Variants in PCDHGA7 observed in about 807,000 individuals in gnomAD.
The protein encoded by PCDHGA7 is protocadherin gamma subfamily A, 7, also known as protocadherin gamma-A7.
In PCDHGA7, 44 loss-of-function variants were observed where a neutral mutation model predicts 58.3. The observed-to-expected ratio is 0.75, with a 90% confidence interval of 0.59 to 0.97. The LOEUF is 0.97. Ranked by LOEUF, PCDHGA7 falls within the 50% of genes least tolerant of loss-of-function variation. The probability of loss-of-function intolerance (pLI) is 0.00; values close to 1 mark genes in which losing one functional copy is unlikely to be tolerated. For missense variants in PCDHGA7, 1,266 were observed against 1,188.7 expected (o/e 1.06, Z -0.96); for synonymous variants, 516 against 504.2 (o/e 1.02, Z -0.31).
Position 141,476,562 on chromosome 5 carries a change from C to G in PCDHGA7, c.2425-18245C>G. 1 of 1,614,218 alleles carries G rather than the reference C, an allele frequency of 6.2e-7. No individual in the cohort carries two copies. The highest frequency in any genetic ancestry group is 1.1e-5 in the South Asian group (1 of 91,088). On this transcript the variant is annotated intron_variant, in intron 1 of 3. Transcript: ENST00000518325. This position sits in a 1 kb window ranked among gnomAD's most constrained non-coding sequence, Gnocchi z 7.6. The stretch of plus-strand genomic sequence containing the variant: ...AAATTGGAGATTAGCGAGGCCGTGG[C>G]TCCGGGGACGCGCTTTCCGCTCGAG...
chr5:141,469,372 C>T (rs780872014), intron 1 of PCDHGA7, among the ~76,000 whole-genome samples: 2 of 151,990 alleles, frequency 1.3e-5, no homozygotes, highest in African/African-American at 2.4e-5. Context: ...GTAAAGAGAT[C>T]GAGACCATCC....
At chr5:141,425,069 A>G (rs771114613) in intron 1 of PCDHGA7, among the ~76,000 whole-genome samples, 1 of 152,170 alleles carries the variant, frequency 6.6e-6, no homozygotes. Context: ...GACAAAAATA[A>G]TTTCAACTGT....
In PCDHGA7 at chr5:141,423,130, G is replaced by A. The variant is rs770258338; in HGVS notation, c.2424+37807G>A. On this transcript the variant is annotated intron_variant, in intron 1 of 3. Coordinates refer to ENST00000518325, the MANE Select transcript of PCDHGA7 (RefSeq NM_018920.4). The stretch of plus-strand genomic sequence containing the variant: ...GGTGCGTACAGCGCGGGCACTGCTG[G>A]ACAGAGACGCGCTCAAGCAGAGCCT... The A allele has an allele frequency of 9.3e-6, 15 of 1,613,582 alleles. No individual in the cohort carries two copies. Among genetic ancestry groups the A allele is most frequent in the Middle Eastern group, 1.6e-4 (1 of 6,072 alleles).
rs1280755615 is a variant in PCDHGA7 at position 141,431,629 on chromosome 5, A to C, written c.2424+46306A>C. On this transcript the variant is annotated intron_variant, in intron 1 of 3. Transcript: ENST00000518325. This position sits in a 1 kb window ranked among gnomAD's most constrained non-coding sequence, Gnocchi z 4.8. ...GGTATGTGGACGACAAGGCGGCCCA[A>C]GTTTTCAAACTAGATTGTAATTCAG... 6.2e-7 allele frequency: 1 copy of C among 1,614,246 alleles called. No individual in the cohort carries two copies. Among genetic ancestry groups the C allele is most frequent in the South Asian group, 1.1e-5 (1 of 91,090 alleles).
chr5:141,426,589 T>G (rs2096945227), intron 1 of PCDHGA7: 1 of 369,180 alleles, frequency 2.7e-6, no homozygotes, highest in South Asian at 2.0e-5. Context: ...ATCCTCTGTG[T>G]CATACCCTTA....
chr5:141,476,772 G>A lies in PCDHGA7; in HGVS notation c.2425-18035G>A. 1 of 1,613,650 alleles carries A rather than the reference G, an allele frequency of 6.2e-7. No homozygotes were observed. Among genetic ancestry groups the A allele is most frequent in the South Asian group, 1.1e-5 (1 of 91,086 alleles). ...CAGTTAGTGCTGACGGCGTTGGACG[G>A]AGGGACCCCAGCTCTCTCCGCCAGC... is the stretch of plus-strand genomic sequence containing the variant. On this transcript the variant is annotated intron_variant, in intron 1 of 3. Coordinates refer to ENST00000518325, the MANE Select transcript of PCDHGA7 (RefSeq NM_018920.4). The surrounding 1 kb of genome is among the most constrained non-coding windows in gnomAD (Gnocchi z 7.6).
intron 1 of PCDHGA7, among the ~76,000 whole-genome samples, chr5:141,456,876 T>C (rs188356008): frequency 1.5e-3 from 222 of 152,196 alleles, no homozygotes; most frequent in African/African-American, 5.2e-3. Flanking sequence ...GGCAGGAGAA[T>C]CGCTTGAACC....
rs2154576188 is a variant in PCDHGA7 at position 141,477,933 on chromosome 5, T to C, written c.2425-16874T>C. ...GCGGATGCAGGGCACAATGCCTGGCTCTCCTACAGTCTCTTGGGATCCCCT... is the reference window on the plus strand; with the variant it reads ...GCGGATGCAGGGCACAATGCCTGGCCCTCCTACAGTCTCTTGGGATCCCCT... On this transcript the variant is annotated intron_variant, in intron 1 of 3. Coordinates refer to ENST00000518325, the MANE Select transcript of PCDHGA7 (RefSeq NM_018920.4). The surrounding 1 kb of genome is among the most constrained non-coding windows in gnomAD (Gnocchi z 4.9). 1.2e-6 allele frequency: 2 copies of C among 1,614,112 alleles called. No homozygotes were observed. Among genetic ancestry groups the C allele is most frequent in the Non-Finnish European group, 1.7e-6 (2 of 1,180,022 alleles).
chr5:141,433,064 A>T, intron 1 of PCDHGA7: 1 of 1,614,064 alleles, frequency 6.2e-7, no homozygotes, highest in Non-Finnish European at 8.5e-7. Context: ...GAGTCACCTG[A>T]TCTTCCCCCA....
chr5:141,408,506 T>C, intron 1 of PCDHGA7: 2 of 1,614,010 alleles, frequency 1.2e-6, no homozygotes, highest in Non-Finnish European at 1.7e-6. Flanking sequence ...GAGAAGAAGA[T>C]GTGAGTTGCA....
chr5:141,492,071 C>T (rs992716777), intron 1 of PCDHGA7: 7 of 481,874 alleles, frequency 1.5e-5, no homozygotes, highest in African/African-American at 1.4e-4. Context: ...CTCCTAGGCG[C>T]CGGCTCCGGC....
rs115237553 is a variant in PCDHGA7, at chr5:141,476,478, T to A, written c.2425-18329T>A. 1.3e-4 allele frequency: 203 copies of A among 1,613,844 alleles called. 2 individuals are homozygous for A. The African/African-American group carries it at 2.5e-3, about 20-fold the overall frequency. Reference sequence around the variant, plus strand: ...GAGAACCCGCTGGAGCTGTTCAGCGTGGAAGTGGTGATCCAGGACATCAAC... The same window carrying A: ...GAGAACCCGCTGGAGCTGTTCAGCGAGGAAGTGGTGATCCAGGACATCAAC... On this transcript the variant is annotated intron_variant, in intron 1 of 3. Transcript: ENST00000518325. The surrounding 1 kb of genome is among the most constrained non-coding windows in gnomAD (Gnocchi z 7.6).
chr5:141,426,756 G>A, intron 1 of PCDHGA7: 1 of 456,302 alleles, frequency 2.2e-6, no homozygotes. Context: ...ATCTGCTATA[G>A]ATGCAGATGT....
Position 141,487,945 on chromosome 5 carries a change from G to A in PCDHGA7, c.2425-6862G>A, listed in dbSNP as rs2099669554. ...CAGTGCACAGGGTACAGTGCACCAG[G>A]CAGTCACTTGGACAAAGGTGGCTGT... On this transcript the variant is annotated intron_variant, in intron 1 of 3. Transcript: ENST00000518325. This position sits in a 1 kb window ranked among gnomAD's most constrained non-coding sequence, Gnocchi z 5.0. Among the ~76,000 whole-genome samples the A allele has an allele frequency of 6.6e-6, 1 of 152,198 alleles. No individual in the cohort carries two copies. Among genetic ancestry groups the A allele is most frequent in the Non-Finnish European group, 1.5e-5 (1 of 68,036 alleles).
chr5:141,421,359 C>A (rs2096566292), intron 1 of PCDHGA7: 6 of 1,614,012 alleles, frequency 3.7e-6, no homozygotes, highest in Non-Finnish European at 5.1e-6. Context: ...AAAAGGGCTC[C>A]TTCGTGGGCA....
intron 1 of PCDHGA7, among the ~76,000 whole-genome samples, chr5:141,401,889 T>G (rs1259815955): frequency 3.3e-5 from 5 of 152,232 alleles, no homozygotes; most frequent in Non-Finnish European, 7.3e-5. Context: ...TATTTTGTGT[T>G]CTTTTTCCCA....
rs1270447529 is a variant in PCDHGA7 at position 141,490,526 on chromosome 5, C to A, written c.2425-4281C>A. 3 of 1,614,116 alleles carry A rather than the reference C, an allele frequency of 1.9e-6. No homozygotes were observed. Among genetic ancestry groups the A allele is most frequent in the Non-Finnish European group, 2.5e-6 (3 of 1,180,008 alleles). On this transcript the variant is annotated intron_variant, in intron 1 of 3. Transcript: ENST00000518325. This position sits in a 1 kb window ranked among gnomAD's most constrained non-coding sequence, Gnocchi z 5.4. ...ATCATCGAGCTGCTGGCCAGCGATG[C>A]TGGTTCACCTTCCCTACACAAACAT...
intron 2 of PCDHGA7, among the ~76,000 whole-genome samples, chr5:141,500,948 A>G (rs1055841985): frequency 1.8e-4 from 28 of 151,592 alleles, no homozygotes; most frequent in Non-Finnish European, 4.4e-5. Context: ...GGCTCACTGC[A>G]AGCTCCACCT....
chr5:141,402,839 C>T (rs2094312458), intron 1 of PCDHGA7: 1 of 1,386,198 alleles, frequency 7.2e-7, no homozygotes, highest in Non-Finnish European at 9.5e-7. Context: ...TGCAGCAAAA[C>T]TCAGCCTCTT....
Sources: allele counts gnomAD v4.1 joint callset (sites outside exome capture counted in the v4.1 genomes callset), GRCh38; gene constraint gnomAD v4.1.1; non-coding constraint Gnocchi (gnomAD v3.1); transcripts MANE v1.5; gene names NCBI Gene and HGNC (gene_info 2026-07-23, HGNC 2026-07-21).